Variants in TSPAN4 observed in about 807,000 individuals in gnomAD.
TSPAN4 encodes the protein tetraspanin-4.
A neutral mutation model predicts 31.5 loss-of-function variants in TSPAN4; 38 were observed. The ratio of observed to expected loss-of-function variants is 1.21; its 90% confidence interval spans 0.93 to 1.58. TSPAN4 has a LOEUF of 1.58. Among genes scored for constraint, TSPAN4 ranks in the 40% most tolerant of loss-of-function variants. TSPAN4 has a pLI of 0.00. For synonymous variants in TSPAN4, 186 were observed against 144.6 expected (o/e 1.29, Z -2.06); for missense variants, 330 against 317.3 (o/e 1.04, Z -0.30).
At position 866,647 on chromosome 11, in the gene TSPAN4, T is replaced by C; in HGVS notation, c.*17T>C. 6.2e-7 allele frequency: 1 copy of C among 1,608,306 alleles called. No individual in the cohort carries two copies. The highest frequency in any genetic ancestry group is 1.3e-5 in the African/African-American group (1 of 74,862). ...TGCGCGTAGGCCGCCCACCGCCCGC[T>C]TCTCTGCCAAAAGGACGCCCACGGG... On this transcript the variant is annotated 3_prime_UTR_variant, in exon 9 of 9. Transcript: ENST00000397397.
intron 3 of TSPAN4, among the ~76,000 whole-genome samples, chr11:859,065 A>G (rs1429545278): frequency 5.0e-5 from 3 of 59,792 alleles, no homozygotes; most frequent in Non-Finnish European, 9.6e-5. Flanking sequence ...AACAGCTTGC[A>G]CCCCCGGCAC....
At position 866,726 on chromosome 11, in the gene TSPAN4, C is replaced by G; in HGVS notation, c.*96C>G. On this transcript the variant is annotated 3_prime_UTR_variant, in exon 9 of 9. Coordinates refer to ENST00000397397, the MANE Select transcript of TSPAN4 (RefSeq NM_003271.5). ...CCACCACCAGCCTCGGTGCTCTGCC[C>G]CATGCTGGGAGGAGGGAGGGAGGGA... is the stretch of plus-strand genomic sequence containing the variant. The G allele has an allele frequency of 8.8e-6, 11 of 1,250,858 alleles. No homozygotes were observed. The highest frequency in any genetic ancestry group is 1.1e-5 in the Non-Finnish European group (10 of 910,544). The allele number at this position is 1,250,858 out of a possible 1,614,324, so 77.5% of individuals were successfully genotyped here.
chr11:861,923 C>CA (rs1257760154), intron 3 of TSPAN4, among the ~76,000 whole-genome samples: 3 of 151,768 alleles, frequency 2.0e-5, no homozygotes, highest in African/African-American at 4.8e-5. Context: ...ACTCCATCTC[C>CA]AAAAAAAGAA....
intron 3 of TSPAN4, among the ~76,000 whole-genome samples, chr11:853,741 A>G (rs894878145): frequency 6.6e-6 from 1 of 152,188 alleles, no homozygotes; most frequent in Admixed American, 6.5e-5. Flanking sequence ...ACCTGCCTTC[A>G]GCAAATAGAG....
chr11:864,195 C>G (rs1848635303), intron 4 of TSPAN4: 4 of 584,638 alleles, frequency 6.8e-6, no homozygotes, highest in Non-Finnish European at 3.0e-6. Flanking sequence ...GAGGGGAGCC[C>G]AGGCCAGCCC....
intron 3 of TSPAN4, among the ~76,000 whole-genome samples, chr11:853,708 C>T (rs1456888316): frequency 6.6e-6 from 1 of 152,132 alleles, no homozygotes; most frequent in African/African-American, 2.4e-5. Flanking sequence ...ACTCCTAACC[C>T]CATGGACATC....
At position 865,708 on chromosome 11, in the gene TSPAN4, C is replaced by T. The variant is rs774244566; in HGVS notation, c.447C>T (p.Gly149=). The part of the protein sequence containing the change: ...SIIQTDFRCC[G]VSNYTDWFEV... ...TTGCCCCCCAGTTCCGCTGCTGTGG[C>T]GTCTCCAACTACACTGACTGGTTCG... is the stretch of plus-strand genomic sequence containing the variant. The change falls in exon 7 of 9, where the codon GGC becomes GGT. Residue 149 remains glycine (G), a synonymous_variant. Coordinates refer to ENST00000397397, the MANE Select transcript of TSPAN4 (RefSeq NM_003271.5). 1.1e-4 allele frequency: 179 copies of T among 1,613,256 alleles called. No homozygotes were observed. Among genetic ancestry groups the T allele is most frequent in the Non-Finnish European group, 1.3e-4 (150 of 1,179,956 alleles).
intron 1 of TSPAN4, chr11:844,659 C>G (rs948981705): frequency 2.6e-5 from 4 of 151,302 alleles, no homozygotes; most frequent in Admixed American, 2.6e-4. Context: ...GGGTGGGGGC[C>G]CCTCTCTCCT....
chr11:847,619 C>A (rs946334430), intron 2 of TSPAN4, among the ~76,000 whole-genome samples: 20 of 151,258 alleles, frequency 1.3e-4, no homozygotes, highest in South Asian at 6.4e-4. Flanking sequence ...CCACCCCCCC[C>A]CAACCCCGCT....
chr11:846,147 C>T (rs1847312045), intron 1 of TSPAN4, among the ~76,000 whole-genome samples: 1 of 152,228 alleles, frequency 6.6e-6, no homozygotes, highest in Admixed American at 6.5e-5. Flanking sequence ...TCCTGAGCTG[C>T]CCCTGCTGAG....
intron 1 of TSPAN4, among the ~76,000 whole-genome samples, chr11:846,678 A>G (rs1002582678): frequency 1.2e-4 from 19 of 152,140 alleles, no homozygotes; most frequent in Admixed American, 1.2e-3. Context: ...TGGCAGCTCC[A>G]TAGGGAGGGC....
At chr11:860,478 G>C (rs1848396361) in intron 3 of TSPAN4, among the ~76,000 whole-genome samples, 1 of 152,218 alleles carries the variant, frequency 6.6e-6, no homozygotes. Flanking sequence ...TGCACACGAG[G>C]AGGGGGCATC....
intron 3 of TSPAN4, among the ~76,000 whole-genome samples, chr11:858,993 CT>C (rs1239519236): frequency 6.4e-5 from 9 of 140,732 alleles, no homozygotes; most frequent in East Asian, 2.2e-4. Context: ...ACACGCACCC[CT>C]GGGTCACACG....
chr11:861,213 G>GT (rs1241962982), intron 3 of TSPAN4, among the ~76,000 whole-genome samples: 2 of 152,238 alleles, frequency 1.3e-5, no homozygotes, highest in Admixed American at 1.3e-4. Flanking sequence ...AGGAAACACA[G>GT]TAAGAGCTCT....
At chr11:846,427 G>C (rs1052887857) in intron 1 of TSPAN4, among the ~76,000 whole-genome samples, 9 of 152,204 alleles carry the variant, frequency 5.9e-5, no homozygotes, top group African/African-American at 2.2e-4. Flanking sequence ...TGGGGTGGAG[G>C]CTCTATGGTT....
intron 3 of TSPAN4, among the ~76,000 whole-genome samples, chr11:853,067 G>A (rs866830786): frequency 2.0e-5 from 3 of 152,082 alleles, no homozygotes; most frequent in African/African-American, 7.2e-5. Context: ...TGGGTGTGGG[G>A]GCAGGGGCTG....
chr11:849,607 G>A (rs974740097), intron 2 of TSPAN4, among the ~76,000 whole-genome samples: 1 of 151,972 alleles, frequency 6.6e-6, no homozygotes, highest in African/African-American at 2.4e-5. Context: ...CCCTTCGCGA[G>A]CATCTTCCTC....
Position 862,664 on chromosome 11 carries a change from AC to A in TSPAN4, c.180del (p.Gly61AlafsTer59). ...GTCGGCTGCCAACTTGCTCATCATC[AC>A]CGGCGCCTTTGTCATGGCCATCGGC... ...SLSAANLLII[T>X]GAFVMAIGFV... On this transcript the variant is annotated frameshift_variant, in exon 4 of 9. Coordinates refer to ENST00000397397, the MANE Select transcript of TSPAN4 (RefSeq NM_003271.5). LOFTEE classifies it high-confidence loss of function. The A allele has an allele frequency of 3.7e-6, 6 of 1,613,208 alleles. No individual in the cohort carries two copies. Among genetic ancestry groups the A allele is most frequent in the Non-Finnish European group, 5.1e-6 (6 of 1,179,852 alleles).
intron 1 of TSPAN4, among the ~76,000 whole-genome samples, chr11:845,698 C>T (rs1300375034): frequency 6.6e-6 from 1 of 152,022 alleles, no homozygotes; most frequent in Non-Finnish European, 1.5e-5. Context: ...TCACCCCCGA[C>T]TCCCAGCAGA....
Sources: gnomAD v4.1 joint callset for allele counts (sites outside exome capture counted in the v4.1 genomes callset) on GRCh38, gnomAD v4.1.1 for gene constraint, MANE v1.5 for transcripts, NCBI Gene and HGNC (gene_info 2026-07-23, HGNC 2026-07-21) for gene names.